XKR3: variants seen among roughly 807,000 people sequenced by gnomAD.
XKR3 encodes the protein XK-related protein 3.
Under a neutral mutation model 40.3 loss-of-function variants are expected in XKR3, and 27 were observed. That is an observed-to-expected ratio of 0.67 (90% CI 0.49 to 0.92). The LOEUF is 0.92. XKR3 is among the 40% of genes least tolerant of loss of function. XKR3 has a pLI of 0.00. For synonymous variants in XKR3, 193 were observed against 195.4 expected, an observed-to-expected ratio of 0.99 and a Z score of 0.10; for missense variants, 472 against 537.6, an observed-to-expected ratio of 0.88 and a Z score of 1.21.
intron 1 of XKR3, chr22:16,821,805 T>G (rs964504481): frequency 6.6e-6 from 1 of 152,096 alleles, no homozygotes; most frequent in African/African-American, 2.4e-5. Context: ...TTACACTACA[T>G]CTTTAAATTT....
rs534768204 is a variant in XKR3 at position 16,813,233 on chromosome 22, A to G, written c.-10-5150T>C. ...TGGGAGACGGAGCTTGCAGTGAGCCAAGATTGCACCACTGCACTCCAGCCT... is the reference window on the plus strand; with the variant it reads ...TGGGAGACGGAGCTTGCAGTGAGCCGAGATTGCACCACTGCACTCCAGCCT... On this transcript the variant is annotated intron_variant, in intron 1 of 3. Transcript: ENST00000684488. Among the ~76,000 whole-genome samples the G allele has an allele frequency of 3.2e-4, 49 of 151,904 alleles. 1 individual carries two copies. The highest frequency in any genetic ancestry group is 9.9e-4 in the African/African-American group (41 of 41,400).
chr22:16,805,822 T>A (rs5748654), intron 2 of XKR3, among the ~76,000 whole-genome samples: 45,262 of 151,954 alleles, frequency 0.3, 6,875 homozygotes, highest in Middle Eastern at 0.38. Flanking sequence ...GGCTGCCAGG[T>A]CCATTCAAAA....
chr22:16,794,444 G>C (rs1180222876), intron 3 of XKR3, among the ~76,000 whole-genome samples: 7 of 151,554 alleles, frequency 4.6e-5, no homozygotes, highest in African/African-American at 1.7e-4. Context: ...AAAAATCCAA[G>C]AATTTTATAT....
chr22:16,809,716 A>G (rs1428999363), intron 1 of XKR3, among the ~76,000 whole-genome samples: 2 of 152,176 alleles, frequency 1.3e-5, no homozygotes, highest in Non-Finnish European at 2.9e-5. Flanking sequence ...AAAGTACTAT[A>G]TTTAACTTTC....
intron 2 of XKR3, among the ~76,000 whole-genome samples, chr22:16,801,698 A>T (rs1305324719): frequency 1.3e-5 from 2 of 151,164 alleles, no homozygotes; most frequent in African/African-American, 2.4e-5. Flanking sequence ...AAAAAAAAAA[A>T]AGCAAACAAC....
At chr22:16,788,627 C>G (rs2060101390) in intron 3 of XKR3, among the ~76,000 whole-genome samples, 1 of 152,190 alleles carries the variant, frequency 6.6e-6, no homozygotes, top group South Asian at 2.1e-4. Context: ...GTGAACTGTT[C>G]CAGTTCATTC....
chr22:16,784,642 T>TATCTAC (rs1318328002), intron 3 of XKR3, among the ~76,000 whole-genome samples: 1 of 152,188 alleles, frequency 6.6e-6, no homozygotes, highest in African/African-American at 2.4e-5. Context: ...AATACATACA[T>TATCTAC]ATCTACATTT....
At chr22:16,814,230 C>T (rs530167592) in intron 1 of XKR3, among the ~76,000 whole-genome samples, 13 of 152,146 alleles carry the variant, frequency 8.5e-5, no homozygotes, top group African/African-American at 3.1e-4. Flanking sequence ...AGGGTTCCAA[C>T]TTCACATGAA....
chr22:16,817,831 A>G (rs1298256325), intron 1 of XKR3, among the ~76,000 whole-genome samples: 1 of 152,160 alleles, frequency 6.6e-6, no homozygotes, highest in Non-Finnish European at 1.5e-5. Context: ...ACATTGCCCC[A>G]GAGAACTAGA....
intron 3 of XKR3, among the ~76,000 whole-genome samples, chr22:16,785,273 T>A (rs1482519058): frequency 6.6e-6 from 1 of 151,918 alleles, no homozygotes; most frequent in African/African-American, 2.4e-5. Context: ...GCTGAGATCG[T>A]GCCACTGCAC....
chr22:16,788,335 G>A (rs2060099715), intron 3 of XKR3, among the ~76,000 whole-genome samples: 1 of 151,804 alleles, frequency 6.6e-6, no homozygotes, highest in Non-Finnish European at 1.5e-5. Context: ...TCATCAAAAA[G>A]AAGATACGAA....
intron 3 of XKR3, among the ~76,000 whole-genome samples, chr22:16,795,773 C>A (rs2060137806): frequency 6.6e-6 from 1 of 151,972 alleles, no homozygotes; most frequent in Admixed American, 6.6e-5. Flanking sequence ...TTGAGACCAG[C>A]TTGGCCAACA....
In XKR3 at chr22:16,784,085, A is replaced by C; in HGVS notation, c.914T>G (p.Leu305Arg). Reference protein sequence around the residue: ...ENNSNMVGTVLMLFLITLLYA... With the variant: ...ENNSNMVGTVRMLFLITLLYA... ...TAGCAGTGTGATCAAGAAAAGCATC[A>C]GTACTGTACCCACCATATTGGAATT... is the stretch of plus-strand genomic sequence containing the variant. Residue 305 changes from leucine to arginine, a missense_variant, in exon 4 of 4, where the codon CTG (leucine) becomes CGG (arginine). Transcript: ENST00000684488. 6.2e-7 allele frequency: 1 copy of C among 1,614,198 alleles called. No homozygotes were observed. Among genetic ancestry groups the C allele is most frequent in the Non-Finnish European group, 8.5e-7 (1 of 1,180,030 alleles).
chr22:16,786,116 C>T (rs759235), intron 3 of XKR3, among the ~76,000 whole-genome samples: 129,909 of 152,064 alleles, frequency 0.85, 55,600 homozygotes, highest in Middle Eastern at 0.97. Context: ...ATTAAATGTT[C>T]GAAAGTAAAA....
intron 1 of XKR3, among the ~76,000 whole-genome samples, chr22:16,809,733 C>T (rs1442802915): frequency 1.3e-5 from 2 of 152,168 alleles, no homozygotes; most frequent in African/African-American, 4.8e-5. Context: ...TTTCTTTTTG[C>T]CAAATATAAT....
chr22:16,795,232 A>T (rs2060135656), intron 3 of XKR3, among the ~76,000 whole-genome samples: 1 of 152,246 alleles, frequency 6.6e-6, no homozygotes, highest in Non-Finnish European at 1.5e-5. Flanking sequence ...CAATAAAAAT[A>T]GAAATCAATA....
intron 3 of XKR3, among the ~76,000 whole-genome samples, chr22:16,794,046 C>T (rs1007604546): frequency 3.3e-5 from 5 of 152,058 alleles, no homozygotes; most frequent in Admixed American, 6.6e-5. Context: ...TATGGGGTTA[C>T]GTAAAGCAAC....
intron 2 of XKR3, among the ~76,000 whole-genome samples, chr22:16,803,480 T>A (rs2060177570): frequency 6.6e-6 from 1 of 152,190 alleles, no homozygotes; most frequent in South Asian, 2.1e-4. Context: ...TGGGCTGCAT[T>A]CCCAGATATT....
At chr22:16,806,202 T>C (rs1569040532) in intron 2 of XKR3, among the ~76,000 whole-genome samples, 1 of 148,632 alleles carries the variant, frequency 6.7e-6, no homozygotes, top group Non-Finnish European at 1.5e-5. Context: ...GAGGTTGCAG[T>C]GAGCCAAGAT....
Sources: allele counts gnomAD v4.1 joint callset (sites outside exome capture counted in the v4.1 genomes callset), GRCh38; gene constraint gnomAD v4.1.1; transcripts MANE v1.5; gene names NCBI Gene and HGNC (gene_info 2026-07-23, HGNC 2026-07-21).